The following SUMF1 variants were observed in gnomAD, a reference collection of about 807,000 sequenced individuals.
SUMF1 encodes the protein sulfatase modifying factor 1, also known as formylglycine-generating enzyme.
In SUMF1, 48 loss-of-function variants were observed where a neutral mutation model predicts 47.6. That is an observed-to-expected ratio of 1.01 (90% CI 0.80 to 1.28). The LOEUF is 1.28. SUMF1 is among the 50% of genes most tolerant of loss of function. The pLI, the probability that SUMF1 is intolerant of heterozygous loss-of-function variation, is 0.00. For missense variants in SUMF1, 571 were observed against 485.4 expected (o/e 1.18, Z -1.66); for synonymous variants, 230 against 192.1 (o/e 1.20, Z -1.63).
chr3:4,438,871 T>C (rs2582345), intron 3 of SUMF1, among the ~76,000 whole-genome samples: 150,868 of 152,294 alleles, frequency 0.99, 74,743 homozygotes, highest in East Asian at 1. Context: ...ATACACGATT[T>C]ATTTATGAAA....
chr3:4,425,503 C>G (rs547544513), intron 3 of SUMF1, among the ~76,000 whole-genome samples: 2 of 152,080 alleles, frequency 1.3e-5, no homozygotes, highest in Non-Finnish European at 1.5e-5. Context: ...TCAGCTTGAG[C>G]CCCCTCCACC....
chr3:4,311,437 T>G (rs2125092706), intron 8 of SUMF1, among the ~76,000 whole-genome samples: 1 of 152,332 alleles, frequency 6.6e-6, no homozygotes, highest in South Asian at 2.1e-4. Flanking sequence ...TACCCGACTG[T>G]GCTGTTGTGG....
At chr3:4,301,145 G>A (rs1697955263) in intron 8 of SUMF1, among the ~76,000 whole-genome samples, 1 of 152,150 alleles carries the variant, frequency 6.6e-6, no homozygotes, top group African/African-American at 2.4e-5. Flanking sequence ...AATGCTAAGG[G>A]AAACAGGGTA....
chr3:4,046,003 A>T (rs528319320), intron 9 of SUMF1, among the ~76,000 whole-genome samples: 2 of 152,296 alleles, frequency 1.3e-5, no homozygotes, highest in South Asian at 4.1e-4. Context: ...TTGAGCTATG[A>T]TTGCACCACT....
intron 8 of SUMF1, among the ~76,000 whole-genome samples, chr3:4,221,171 T>C (rs1337593568): frequency 2.0e-5 from 3 of 152,090 alleles, no homozygotes; most frequent in African/African-American, 7.2e-5. Flanking sequence ...ACCTCTTTCA[T>C]CCTCCTACCA....
In SUMF1 at chr3:4,106,583, A is replaced by G. The variant is rs185583778; in HGVS notation, c.1015-37838T>C. 4.2e-3 allele frequency among the ~76,000 whole-genome samples: 644 copies of G among 152,256 alleles called. 6 individuals carry two copies. The highest frequency in any genetic ancestry group is 0.024 in the Middle Eastern group (7 of 294). ...TAAAATCATCTTTTCCAACGTAAAC[A>G]AAGAGTAAAGTCACTAATAAAGAAA... On this transcript the variant is annotated intron_variant and NMD_transcript_variant, in intron 8 of 12. Coordinates refer to the SUMF1 transcript ENST00000448413.
At chr3:4,436,238 A>G (rs901749402) in intron 3 of SUMF1, among the ~76,000 whole-genome samples, 2 of 152,214 alleles carry the variant, frequency 1.3e-5, no homozygotes, top group Non-Finnish European at 2.9e-5. Flanking sequence ...ACTCTAACAC[A>G]GGGGATGGGG....
At chr3:4,050,786 A>G (rs1266741329) in intron 9 of SUMF1, among the ~76,000 whole-genome samples, 1 of 151,200 alleles carries the variant, frequency 6.6e-6, no homozygotes, top group Non-Finnish European at 1.5e-5. Flanking sequence ...AAGAAAAGAA[A>G]AAGAAAAAGA....
chr3:4,340,685 G>A (rs1222898418), intron 8 of SUMF1, among the ~76,000 whole-genome samples: 1 of 152,188 alleles, frequency 6.6e-6, no homozygotes, highest in Non-Finnish European at 1.5e-5. Flanking sequence ...GGATATTTAA[G>A]AGGCAACAGT....
chr3:4,384,417 G>C (rs888117541), intron 7 of SUMF1, among the ~76,000 whole-genome samples: 1 of 152,148 alleles, frequency 6.6e-6, no homozygotes, highest in Non-Finnish European at 1.5e-5. Flanking sequence ...TCAAGACACA[G>C]AACATTTCCA....
intron 8 of SUMF1, among the ~76,000 whole-genome samples, chr3:4,158,783 GAT>G (rs1559520888): frequency 6.6e-6 from 1 of 151,404 alleles, no homozygotes; most frequent in Non-Finnish European, 1.5e-5. Context: ...CATTTTATCT[GAT>G]ATAAGCATAG....
rs575025509 is a variant in SUMF1 at position 4,304,978 on chromosome 3, G to T, written c.1014+71352C>A. On this transcript the variant is annotated intron_variant and NMD_transcript_variant, in intron 8 of 12. Coordinates refer to the SUMF1 transcript ENST00000448413. ...GCGGGGCAACTCAAAGTGGTGGGGG[G>T]GGCTTCCAGACTATAGGTAGATTTT... is the stretch of plus-strand genomic sequence containing the variant. Among the ~76,000 whole-genome samples, 17 of 151,448 alleles carry T rather than the reference G, an allele frequency of 1.1e-4. No homozygotes were observed. In the South Asian group the frequency reaches 3.4e-3, roughly 30 times the overall value.
At chr3:4,270,109 T>C (rs1247915172) in intron 8 of SUMF1, among the ~76,000 whole-genome samples, 2 of 152,040 alleles carry the variant, frequency 1.3e-5, no homozygotes, top group Admixed American at 1.3e-4. Context: ...TTACCCACGG[T>C]TCAGGAGGAA....
At chr3:4,384,638 T>C (rs920506607) in intron 7 of SUMF1, among the ~76,000 whole-genome samples, 2 of 152,204 alleles carry the variant, frequency 1.3e-5, no homozygotes, top group Non-Finnish European at 2.9e-5. Flanking sequence ...CGGAGATTCA[T>C]CCAGGTTGCT....
chr3:4,336,822 T>C (rs916175908), intron 8 of SUMF1, among the ~76,000 whole-genome samples: 1 of 152,258 alleles, frequency 6.6e-6, no homozygotes, highest in African/African-American at 2.4e-5. Flanking sequence ...TTCATTCTTG[T>C]GGTTATGAAG....
chr3:4,092,853 A>G (rs1310916434), intron 8 of SUMF1, among the ~76,000 whole-genome samples: 1 of 152,134 alleles, frequency 6.6e-6, no homozygotes, highest in East Asian at 1.9e-4. Flanking sequence ...TGAATATATA[A>G]GAAGGTAAGG....
intron 7 of SUMF1, among the ~76,000 whole-genome samples, chr3:4,382,298 A>T (rs1203397426): frequency 6.6e-6 from 1 of 151,698 alleles, no homozygotes; most frequent in African/African-American, 2.4e-5. Context: ...CCTATGAAGT[A>T]TTTTTAATTA....
intron 4 of SUMF1, 101 bp downstream of exon 4, chr3:4,419,960 TATC>T: frequency 1.1e-6 from 1 of 911,980 alleles, no homozygotes; most frequent in Non-Finnish European, 1.8e-6. Flanking sequence ...TTGTCATTCT[TATC>T]ATTTTATAGA....
chr3:4,373,130 T>C (rs570992848), intron 8 of SUMF1, among the ~76,000 whole-genome samples: 1 of 152,070 alleles, frequency 6.6e-6, no homozygotes, highest in Non-Finnish European at 1.5e-5. Context: ...ACTAAGATTA[T>C]AAAACATAGA....
Sources: gnomAD v4.1 joint callset for allele counts (sites outside exome capture counted in the v4.1 genomes callset) on GRCh38, gnomAD v4.1.1 for gene constraint, MANE v1.5 for transcripts, NCBI Gene and HGNC (gene_info 2026-07-23, HGNC 2026-07-21) for gene names.